TDRD3: variants seen among roughly 807,000 people sequenced by gnomAD.
TDRD3 encodes tudor domain containing 3.
TDRD3 carries 45 observed loss-of-function variants against 86.7 expected under a neutral mutation model. That is an observed-to-expected ratio of 0.52 (90% confidence interval 0.41 to 0.67). TDRD3 has a LOEUF of 0.67. Among genes scored for constraint, TDRD3 ranks in the 30% least tolerant of loss-of-function variants. The pLI is 0.00. For missense variants in TDRD3, 814 were observed against 889.0 expected (o/e 0.92, Z 1.07); for synonymous variants, 298 against 301.7 (o/e 0.99, Z 0.13).
intron 13 of TDRD3, among the ~76,000 whole-genome samples, chr13:60,570,837 A>C (rs1306862501): frequency 2.0e-5 from 3 of 152,228 alleles, no homozygotes; most frequent in African/African-American, 7.2e-5. Flanking sequence ...TATTTTATAT[A>C]CTAGGGTTCC....
intron 1 of TDRD3, among the ~76,000 whole-genome samples, chr13:60,409,905 C>G: frequency 6.6e-6 from 1 of 152,156 alleles, no homozygotes. Flanking sequence ...TTGGCTGTGT[C>G]TCCACCAAAA....
At chr13:60,407,635 C>T (rs991704704) in intron 1 of TDRD3, among the ~76,000 whole-genome samples, 1 of 152,148 alleles carries the variant, frequency 6.6e-6, no homozygotes, top group Non-Finnish European at 1.5e-5. Flanking sequence ...ATGTTGATAA[C>T]ATTTCTTTGC....
Position 60,467,384 on chromosome 13 carries a change from G to GT in TDRD3, c.495+6dup. ...GAGAAATGGGAGTTACAGAGAGTAA[G>GT]TGTAAACTATGGCTTGAACTTTTGA... On this transcript the variant is annotated splice_donor_region_variant and intron_variant, in intron 5 of 13. Coordinates refer to ENST00000377881, the MANE Select transcript of TDRD3 (RefSeq NM_001146070.2). 1 of 1,612,218 alleles carries GT rather than the reference G, an allele frequency of 6.2e-7. No homozygotes were observed. Among genetic ancestry groups the GT allele is most frequent in the Non-Finnish European group, 8.5e-7 (1 of 1,179,402 alleles).
At chr13:60,478,577 T>C (rs1681189298) in intron 5 of TDRD3, among the ~76,000 whole-genome samples, 1 of 152,126 alleles carries the variant, frequency 6.6e-6, no homozygotes, top group Non-Finnish European at 1.5e-5. Flanking sequence ...AGTGCTGGGA[T>C]TACAGGCATG....
intron 12 of TDRD3, among the ~76,000 whole-genome samples, chr13:60,562,425 T>C (rs886386675): frequency 1.3e-5 from 2 of 152,130 alleles, no homozygotes; most frequent in Non-Finnish European, 2.9e-5. Context: ...AATAGACTTG[T>C]TTTTAAAGAT....
chr13:60,470,630 C>T (rs1454236224), intron 5 of TDRD3, among the ~76,000 whole-genome samples: 1 of 138,192 alleles, frequency 7.2e-6, no homozygotes. Context: ...GTTGCCCAGG[C>T]TGGAGTACAA....
intron 1 of TDRD3, among the ~76,000 whole-genome samples, chr13:60,404,311 C>CTTTTT (rs750395505): frequency 7.4e-6 from 1 of 135,482 alleles, no homozygotes; most frequent in Non-Finnish European, 1.6e-5. Context: ...GGTTTGTTTG[C>CTTTTT]TTTTTTTTTT....
intron 1 of TDRD3, among the ~76,000 whole-genome samples, chr13:60,400,007 C>T (rs182745079): frequency 2.6e-5 from 4 of 152,278 alleles, no homozygotes; most frequent in Admixed American, 6.5e-5. Flanking sequence ...AAGTAGCTAC[C>T]TGGCGGACTT....
At chr13:60,460,637 T>C (rs565482635) in intron 4 of TDRD3, 97 bp downstream of exon 4, 448 of 1,066,066 alleles carry the variant, frequency 4.2e-4, no homozygotes, top group Non-Finnish European at 5.3e-4. Context: ...AATGGACCCT[T>C]AATTGTGTGT....
intron 12 of TDRD3, among the ~76,000 whole-genome samples, chr13:60,546,211 A>T (rs779888618): frequency 1.3e-5 from 2 of 152,102 alleles, no homozygotes; most frequent in Non-Finnish European, 2.9e-5. Flanking sequence ...AGACTTTTAG[A>T]GACTGACTTG....
chr13:60,507,923 ACT>A (rs938190329), intron 8 of TDRD3, among the ~76,000 whole-genome samples: 2 of 152,148 alleles, frequency 1.3e-5, no homozygotes, highest in Admixed American at 6.5e-5. Context: ...ACTTTAGCAA[ACT>A]CTCAGGATAC....
chr13:60,488,959 T>C (rs898264242), intron 7 of TDRD3, among the ~76,000 whole-genome samples: 1 of 152,212 alleles, frequency 6.6e-6, no homozygotes, highest in African/African-American at 2.4e-5. Flanking sequence ...TATTAACTCC[T>C]TGTCAGATGG....
rs1555268200 is a variant in TDRD3 at position 60,397,288 on chromosome 13, G to GC, written c.-77_-76insC. 52 of 528,262 alleles carry GC rather than the reference G, an allele frequency of 9.8e-5. No individual in the cohort carries two copies. The highest frequency in any genetic ancestry group is 1.3e-4 in the Non-Finnish European group (46 of 361,888). The allele number at this position is 528,262 out of a possible 1,614,324, so 32.7% of individuals were successfully genotyped here. On this transcript the variant is annotated 5_prime_UTR_variant, in exon 1 of 14. It introduces an in-frame stop codon into an upstream open reading frame of the 5' UTR. Coordinates refer to ENST00000377881, the MANE Select transcript of TDRD3 (RefSeq NM_001146070.2). Reference sequence around the variant, plus strand: ...TTTTCTTTTCTTTTTTTTTTTTTAAGGGGGGGGGTCTCAAGTAGGAGGCCT... The same window carrying GC: ...TTTTCTTTTCTTTTTTTTTTTTTAAGCGGGGGGGGTCTCAAGTAGGAGGCCT...
intron 10 of TDRD3, among the ~76,000 whole-genome samples, chr13:60,524,534 A>G (rs578097231): frequency 1.3e-5 from 2 of 152,000 alleles, no homozygotes; most frequent in African/African-American, 2.4e-5. Flanking sequence ...AATAAATAAA[A>G]AAAGAGAAAA....
intron 12 of TDRD3, among the ~76,000 whole-genome samples, chr13:60,547,666 C>G (rs2137882931): frequency 6.6e-6 from 1 of 152,264 alleles, no homozygotes; most frequent in South Asian, 2.1e-4. Context: ...TCAAATATCC[C>G]TTTTTAAAGC....
At chr13:60,480,041 T>C (rs1388750426) in intron 5 of TDRD3, among the ~76,000 whole-genome samples, 1 of 152,228 alleles carries the variant, frequency 6.6e-6, no homozygotes. Context: ...TTTGTCATCA[T>C]ATTGCTAGGT....
chr13:60,473,240 A>T (rs924295946), intron 5 of TDRD3, among the ~76,000 whole-genome samples: 1 of 152,222 alleles, frequency 6.6e-6, no homozygotes, highest in African/African-American at 2.4e-5. Context: ...TCCCAAGATA[A>T]CTAACCCATT....
chr13:60,397,400 G>T lies in TDRD3; in HGVS notation c.36G>T (p.Ala12=). The T allele has an allele frequency of 1.3e-6, 2 of 1,499,772 alleles. No homozygotes were observed. The highest frequency in any genetic ancestry group is 1.8e-6 in the Non-Finnish European group (2 of 1,126,190). 92.9% of individuals were successfully genotyped at this position (1,499,772 alleles called of 1,614,324 possible). A position where few individuals can be genotyped will look rare whatever the true frequency, so the allele number is the denominator to read the frequency against. The change falls in exon 1 of 14, where the codon GCG becomes GCT. Residue 12 remains alanine, a synonymous_variant. Transcript: ENST00000377881. ...AQVAGAALSQ[A]GWYLSDEGIE... is the part of the protein sequence containing the mutation. ...TGGCCGGCGCGGCGTTGTCCCAGGC[G>T]GGTTGGTAAGTGGCGAGTCCCGCCG... is the stretch of plus-strand genomic sequence containing the variant.
chr13:60,432,998 AC>A (rs1224422548), intron 1 of TDRD3, among the ~76,000 whole-genome samples: 16 of 152,168 alleles, frequency 1.1e-4, no homozygotes, highest in Admixed American at 6.5e-5. Flanking sequence ...AATTAAGAAC[AC>A]CATGTACCAG....
Sources: allele counts gnomAD v4.1 joint callset (sites outside exome capture counted in the v4.1 genomes callset), GRCh38; gene constraint gnomAD v4.1.1; transcripts MANE v1.5; gene names NCBI Gene and HGNC (gene_info 2026-07-23, HGNC 2026-07-21).